Variants in SPAG16 observed in about 807,000 individuals in gnomAD.
SPAG16 encodes sperm-associated antigen 16 protein.
Under a neutral mutation model 80.4 loss-of-function variants are expected in SPAG16, and 86 were observed. The observed-to-expected ratio is 1.07, with a 90% CI of 0.90 to 1.28. The LOEUF is 1.28. Ranked by LOEUF, SPAG16 falls within the 50% of genes most tolerant of loss-of-function variation. The pLI, the probability that SPAG16 is intolerant of heterozygous loss-of-function variation, is 0.00. For synonymous variants in SPAG16, 294 were observed against 265.9 expected, an observed-to-expected ratio of 1.11 and a Z score of -1.03; for missense variants, 870 against 765.3, an observed-to-expected ratio of 1.14 and a Z score of -1.61.
At chr2:214,310,109 C>T (rs1265447326) in intron 15 of SPAG16, among the ~76,000 whole-genome samples, 1 of 151,122 alleles carries the variant, frequency 6.6e-6, no homozygotes, top group Non-Finnish European at 1.5e-5. Context: ...TTTTACACTG[C>T]TGGAGTTACT....
intron 10 of SPAG16, among the ~76,000 whole-genome samples, chr2:213,723,124 C>T (rs1261374657): frequency 2.6e-5 from 4 of 152,166 alleles, no homozygotes; most frequent in Non-Finnish European, 5.9e-5. Context: ...ATTTTCTCCT[C>T]TCCTATGGAT....
chr2:213,721,402 A>G (rs2066529611), intron 10 of SPAG16, among the ~76,000 whole-genome samples: 1 of 152,186 alleles, frequency 6.6e-6, no homozygotes. Flanking sequence ...CCTGGCCTAT[A>G]ATTCCAATTT....
At chr2:213,905,827 A>C (rs2077407708) in intron 11 of SPAG16, among the ~76,000 whole-genome samples, 1 of 152,174 alleles carries the variant, frequency 6.6e-6, no homozygotes, top group South Asian at 2.1e-4. Flanking sequence ...AGGTGAAGTT[A>C]GAGAAAATGT....
intron 10 of SPAG16, among the ~76,000 whole-genome samples, chr2:213,563,270 C>A (rs963172811): frequency 2.0e-5 from 3 of 151,760 alleles, no homozygotes; most frequent in Non-Finnish European, 1.5e-5. Flanking sequence ...TTCACATATG[C>A]CATATATCTT....
chr2:213,777,725 T>G (rs1174449134), intron 10 of SPAG16, among the ~76,000 whole-genome samples: 2 of 152,002 alleles, frequency 1.3e-5, no homozygotes, highest in Non-Finnish European at 2.9e-5. Flanking sequence ...TTAGGAGAGA[T>G]AGGGTTTCAC....
At chr2:213,484,174 A>G (rs971265556) in intron 9 of SPAG16, among the ~76,000 whole-genome samples, 6 of 152,220 alleles carry the variant, frequency 3.9e-5, no homozygotes, top group African/African-American at 1.4e-4. Flanking sequence ...TTTTATATAA[A>G]CATCTAGAAT....
chr2:213,392,965 A>G (rs566875736), intron 9 of SPAG16, among the ~76,000 whole-genome samples: 3 of 152,342 alleles, frequency 2.0e-5, no homozygotes, highest in African/African-American at 7.2e-5. Flanking sequence ...TTAAATAGAT[A>G]AGAATTAAGC....
At chr2:213,863,251 T>C (rs1262647245) in intron 11 of SPAG16, among the ~76,000 whole-genome samples, 1 of 152,140 alleles carries the variant, frequency 6.6e-6, no homozygotes, top group Non-Finnish European at 1.5e-5. Context: ...TTTCTGCTCA[T>C]CATACTTCTT....
chr2:213,586,429 C>G (rs2060475336), intron 10 of SPAG16, among the ~76,000 whole-genome samples: 1 of 152,156 alleles, frequency 6.6e-6, no homozygotes, highest in Non-Finnish European at 1.5e-5. Context: ...GACCTAATGA[C>G]CACCCAAAGG....
intron 15 of SPAG16, among the ~76,000 whole-genome samples, chr2:214,290,231 G>C (rs942645540): frequency 9.9e-5 from 15 of 152,000 alleles, no homozygotes; most frequent in Admixed American, 2.0e-4. Flanking sequence ...GATCTCTGAT[G>C]ATCTTTTGTA....
intron 10 of SPAG16, among the ~76,000 whole-genome samples, chr2:213,670,670 CTCTG>C (rs149825023): frequency 0.047 from 7,205 of 152,102 alleles, 552 homozygotes; most frequent in African/African-American, 0.16. Context: ...TTTTCCAGAG[CTCTG>C]TCTAACTAGT....
intron 15 of SPAG16, among the ~76,000 whole-genome samples, chr2:214,234,185 A>G (rs1688913373): frequency 6.6e-6 from 1 of 152,152 alleles, no homozygotes; most frequent in African/African-American, 2.4e-5. Flanking sequence ...AATTGCTTTC[A>G]GCAACATCCA....
chr2:214,238,226 G>C (rs1268038643), intron 15 of SPAG16: 1 of 414,096 alleles, frequency 2.4e-6, no homozygotes, highest in Admixed American at 3.2e-5. Context: ...CCAATGGTAG[G>C]ACTGCACAAT....
chr2:213,987,921 G>T (rs965263246), intron 12 of SPAG16, among the ~76,000 whole-genome samples: 1 of 149,552 alleles, frequency 6.7e-6, no homozygotes, highest in African/African-American at 2.4e-5. Context: ...TTATAAAATA[G>T]ATAAAATGTA....
chr2:213,640,622 A>T (rs1301748673), intron 10 of SPAG16, among the ~76,000 whole-genome samples: 5 of 152,094 alleles, frequency 3.3e-5, no homozygotes, highest in Non-Finnish European at 7.3e-5. Context: ...CCCAGCTGTA[A>T]GTACCAGAAC....
At chr2:214,155,989 A>G (rs930433427) in intron 15 of SPAG16, among the ~76,000 whole-genome samples, 3 of 152,142 alleles carry the variant, frequency 2.0e-5, no homozygotes, top group Non-Finnish European at 4.4e-5. Context: ...TCTGACTCTT[A>G]TTCTAATAAT....
At chr2:213,951,802 A>G (rs2079795811) in intron 12 of SPAG16, among the ~76,000 whole-genome samples, 1 of 152,166 alleles carries the variant, frequency 6.6e-6, no homozygotes, top group Admixed American at 6.6e-5. Flanking sequence ...AAGCTTTCAA[A>G]TAGCCAAGCA....
At chr2:214,135,144 A>G (rs906950417) in intron 14 of SPAG16, among the ~76,000 whole-genome samples, 1 of 152,202 alleles carries the variant, frequency 6.6e-6, no homozygotes, top group African/African-American at 2.4e-5. Flanking sequence ...AACAATACCT[A>G]CTTCTAGCAT....
In SPAG16 at chr2:213,724,269, G is replaced by A. The variant is rs572756887; in HGVS notation, c.1071-138216G>A. On this transcript the variant is annotated intron_variant, in intron 10 of 15. Transcript: ENST00000331683. The stretch of plus-strand genomic sequence containing the variant: ...AAAGCATGATTTAGTGAGTCTGAGC[G>A]TTACTGTGGTAGCAATGACAATGGG... Among the ~76,000 whole-genome samples the A allele has an allele frequency of 3.3e-4, 51 of 152,254 alleles. 1 individual carries two copies. The highest frequency in any genetic ancestry group is 2.1e-3 in the South Asian group (10 of 4,816).
Sources: allele counts gnomAD v4.1 joint callset (sites outside exome capture counted in the v4.1 genomes callset), GRCh38; gene constraint gnomAD v4.1.1; transcripts MANE v1.5; gene names NCBI Gene and HGNC (gene_info 2026-07-23, HGNC 2026-07-21).